Variants in CNBD2 observed in about 807,000 individuals in gnomAD.
The protein encoded by CNBD2 is cyclic nucleotide-binding domain-containing protein 2.
A neutral mutation model predicts 63.7 loss-of-function variants in CNBD2; 64 were observed. The ratio of observed to expected loss-of-function variants is 1.00; its 90% CI spans 0.82 to 1.24. The LOEUF is 1.24. Ranked by LOEUF, CNBD2 falls within the 50% of genes most tolerant of loss-of-function variation. The probability of loss-of-function intolerance (pLI) is 0.00; values close to 1 mark genes in which losing one functional copy is unlikely to be tolerated. For synonymous variants in CNBD2, 229 were observed against 255.4 expected, an observed-to-expected ratio of 0.90 and a Z score of 0.99; for missense variants, 691 against 713.5, an observed-to-expected ratio of 0.97 and a Z score of 0.36.
intron 2 of CNBD2, among the ~76,000 whole-genome samples, chr20:35,962,171 GGAGTGCTTAACCCAGAA>G (rs2056313887): frequency 6.6e-6 from 1 of 152,100 alleles, no homozygotes; most frequent in South Asian, 2.1e-4. Flanking sequence ...TCTGGCCACT[GGAGTGCTTAACCCAGAA>G]AGGCTGGGAA....
chr20:35,958,208 G>A (rs933399566), downstream of CNBD2, among the ~76,000 whole-genome samples: 1 of 152,142 alleles, frequency 6.6e-6, no homozygotes, highest in Non-Finnish European at 1.5e-5. Flanking sequence ...CGAGGCAGGC[G>A]GATCACGAGT....
chr20:36,010,334 C>G (rs1192908826), intron 9 of CNBD2, among the ~76,000 whole-genome samples: 3 of 151,958 alleles, frequency 2.0e-5, no homozygotes, highest in Non-Finnish European at 4.4e-5. Context: ...TAACGAGCAC[C>G]CTGTGACTTT....
intron 2 of CNBD2, 79 bp downstream of exon 2, chr20:35,972,845 A>C: frequency 2.9e-6 from 4 of 1,387,646 alleles, no homozygotes; most frequent in African/African-American, 1.4e-5. Context: ...GCCTAAGCTC[A>C]GAACTGAGAA....
chr20:35,985,351 A>G (rs1477749381), intron 6 of CNBD2, among the ~76,000 whole-genome samples: 1 of 151,536 alleles, frequency 6.6e-6, no homozygotes, highest in African/African-American at 2.4e-5. Flanking sequence ...TTATTTGTAG[A>G]GATGGAATCT....
Position 36,011,127 on chromosome 20 carries a change from C to A in CNBD2, c.1149-10C>A. 6.6e-7 allele frequency: 1 copy of A among 1,524,740 alleles called. No individual in the cohort carries two copies. Among genetic ancestry groups the A allele is most frequent in the South Asian group, 1.3e-5 (1 of 77,524 alleles). The allele number at this position is 1,524,740 out of a possible 1,614,324, so 94.5% of individuals were successfully genotyped here. A position where few individuals can be genotyped will look rare whatever the true frequency, so the allele number is the denominator to read the frequency against. On this transcript the variant is annotated splice_polypyrimidine_tract_variant and intron_variant, in intron 9 of 11. Coordinates refer to ENST00000373973, the MANE Select transcript of CNBD2 (RefSeq NM_001365709.1). ...ACAGATGAGCTCTCTAACAAGCTGTCACATTTCAGATCCAGGCCTGCTCAG... is the reference window on the plus strand; with the variant it reads ...ACAGATGAGCTCTCTAACAAGCTGTAACATTTCAGATCCAGGCCTGCTCAG...
upstream of CNBD2, among the ~76,000 whole-genome samples, chr20:35,965,210 T>C (rs2056336431): frequency 7.1e-6 from 1 of 140,108 alleles, no homozygotes; most frequent in African/African-American, 2.7e-5. Flanking sequence ...TGAGACGGAG[T>C]CTCATTCTGT....
chr20:35,987,287 C>A, intron 6 of CNBD2, 108 bp from the exon 7 acceptor site: 3 of 1,275,290 alleles, frequency 2.4e-6, no homozygotes, highest in Non-Finnish European at 3.3e-6. Context: ...GCGAAATCTT[C>A]CACCCAGGCA....
chr20:35,992,462 GATTGATTC>G (rs2056760303), intron 7 of CNBD2, among the ~76,000 whole-genome samples: 1 of 152,270 alleles, frequency 6.6e-6, no homozygotes, highest in South Asian at 2.1e-4. Context: ...TCACCCCAGA[GATTGATTC>G]ATTAACTCTG....
intron 8 of CNBD2, among the ~76,000 whole-genome samples, chr20:36,001,035 C>A (rs572453316): frequency 6.6e-6 from 1 of 151,210 alleles, no homozygotes; most frequent in Admixed American, 6.6e-5. Flanking sequence ...GTGGACACAG[C>A]ACATGTTTCA....
chr20:35,975,386 C>A (rs1214195959), intron 2 of CNBD2, among the ~76,000 whole-genome samples: 2 of 113,040 alleles, frequency 1.8e-5, no homozygotes, highest in Non-Finnish European at 3.8e-5. Flanking sequence ...CTGCAAGCTC[C>A]GCCTCCCGGG....
intron 11 of CNBD2, among the ~76,000 whole-genome samples, chr20:36,029,672 C>T (rs992187567): frequency 6.6e-6 from 1 of 152,198 alleles, no homozygotes; most frequent in African/African-American, 2.4e-5. Flanking sequence ...TTAAGCCAAT[C>T]TCTATGGATC....
At chr20:35,968,341 G>T (rs2056364912), upstream of CNBD2, among the ~76,000 whole-genome samples, 2 of 138,574 alleles carry the variant, frequency 1.4e-5, no homozygotes, top group Non-Finnish European at 3.1e-5. Flanking sequence ...GGGGGTCCTA[G>T]ATCCTGTTTT....
At chr20:35,980,387 G>C in intron 3 of CNBD2, 72 bp from the exon 4 acceptor site, 1 of 1,403,132 alleles carries the variant, frequency 7.1e-7, no homozygotes, top group Non-Finnish European at 1.0e-6. Flanking sequence ...AAGCAGGACT[G>C]TGGGGTGTTG....
chr20:35,980,457 A>C lies in CNBD2; in HGVS notation c.244-2A>C, dbSNP rs528945271. On this transcript the variant is annotated splice_acceptor_variant, in intron 3 of 11. Transcript: ENST00000373973. LOFTEE classifies it high-confidence loss of function. Reference sequence around the variant, plus strand: ...TGTATCACTCTGGTCCTCTCTCCCCAGGGTCACTTTCCTCCAAAGGCCATT... The same window carrying C: ...TGTATCACTCTGGTCCTCTCTCCCCCGGGTCACTTTCCTCCAAAGGCCATT... 6.2e-7 allele frequency: 1 copy of C among 1,614,022 alleles called. No individual in the cohort carries two copies. Among genetic ancestry groups the C allele is most frequent in the South Asian group, 1.1e-5 (1 of 91,082 alleles).
At chr20:36,015,604 G>A (rs2057122965) in intron 10 of CNBD2, among the ~76,000 whole-genome samples, 1 of 152,178 alleles carries the variant, frequency 6.6e-6, no homozygotes, top group Non-Finnish European at 1.5e-5. Flanking sequence ...AAGAGCTAGG[G>A]GAGGGGGCAG....
intron 3 of CNBD2, among the ~76,000 whole-genome samples, chr20:35,978,511 A>T (rs2056552819): frequency 1.3e-5 from 2 of 151,954 alleles, no homozygotes; most frequent in Admixed American, 1.3e-4. Flanking sequence ...CGCCCTGCTA[A>T]TTTTTTGTAT....
At chr20:35,981,397 G>A (rs1033659206) in intron 4 of CNBD2, among the ~76,000 whole-genome samples, 4 of 151,998 alleles carry the variant, frequency 2.6e-5, no homozygotes, top group Admixed American at 2.6e-4. Context: ...CTCCCAGCTA[G>A]TCATTATCAC....
rs140356075 is a variant in CNBD2 at position 35,984,090 on chromosome 20, C to T, written c.516C>T (p.Ala172=). 2 of 1,613,554 alleles carry T rather than the reference C, an allele frequency of 1.2e-6. No homozygotes were observed. The highest frequency in any genetic ancestry group is 2.7e-5 in the African/African-American group (2 of 75,054). ...AITKDEDGSS[A]FLDPHPKLLH... ...CCAAGGACGAGGATGGCAGCAGTGC[C>T]TTCCTAGATCCCCACCCGAAATTGC... The change falls in exon 5 of 12, where the codon GCC becomes GCT. Residue 172 remains alanine (A), a synonymous_variant. Transcript: ENST00000373973.
chr20:36,006,024 AT>A (rs553416540), intron 8 of CNBD2, among the ~76,000 whole-genome samples: 58 of 149,062 alleles, frequency 3.9e-4, no homozygotes, highest in Middle Eastern at 6.8e-3. Context: ...CATACTAGAG[AT>A]TTTTTTTTTC....
Sources: gnomAD v4.1 joint callset for allele counts (sites outside exome capture counted in the v4.1 genomes callset) on GRCh38, gnomAD v4.1.1 for gene constraint, MANE v1.5 for transcripts, NCBI Gene and HGNC (gene_info 2026-07-23, HGNC 2026-07-21) for gene names.